MGMT: variants seen among roughly 807,000 people sequenced by gnomAD.
MGMT encodes the protein methylated-DNA--protein-cysteine methyltransferase.
A neutral mutation model predicts 15.9 loss-of-function variants in MGMT; 14 were observed. That is an observed-to-expected ratio of 0.88 (90% confidence interval 0.58 to 1.37). The LOEUF (loss-of-function observed/expected upper bound fraction) is 1.37, where lower values mean the gene tolerates loss of function less well. MGMT is among the 40% of genes most tolerant of loss of function. The probability of loss-of-function intolerance (pLI) is 0.00; values close to 1 mark genes in which losing one functional copy is unlikely to be tolerated. For missense variants in MGMT, 282 were observed against 268.1 expected (o/e 1.05, Z -0.36); for synonymous variants, 130 against 118.2 (o/e 1.10, Z -0.65).
intron 2 of MGMT, among the ~76,000 whole-genome samples, chr10:129,646,748 A>ATTTTT (rs1229950159): frequency 6.3e-5 from 4 of 63,642 alleles, no homozygotes; most frequent in African/African-American, 1.1e-4. Flanking sequence ...ATATATATAT[A>ATTTTT]TATATATTTT....
At chr10:129,522,901 C>G (rs990145356) in intron 1 of MGMT, among the ~76,000 whole-genome samples, 8 of 152,204 alleles carry the variant, frequency 5.3e-5, no homozygotes, top group Admixed American at 2.6e-4. Flanking sequence ...TTGATGTTTC[C>G]GTCAGATCTT....
intron 3 of MGMT, among the ~76,000 whole-genome samples, chr10:129,751,324 G>A (rs1303303888): frequency 6.6e-6 from 1 of 151,844 alleles, no homozygotes; most frequent in Non-Finnish European, 1.5e-5. Flanking sequence ...GTTATTTGTA[G>A]GAATACCTTA....
intron 2 of MGMT, among the ~76,000 whole-genome samples, chr10:129,664,140 T>C (rs576286437): frequency 3.9e-5 from 6 of 152,304 alleles, no homozygotes; most frequent in African/African-American, 1.4e-4. Context: ...TGCCCAGGAA[T>C]GCAAGGGTAG....
At chr10:129,590,031 G>T (rs746446525) in intron 2 of MGMT, among the ~76,000 whole-genome samples, 2 of 152,196 alleles carry the variant, frequency 1.3e-5, no homozygotes, top group Non-Finnish European at 2.9e-5. Flanking sequence ...GTTGAATGGA[G>T]TGCGGATCAT....
chr10:129,643,180 C>T lies in MGMT; in HGVS notation c.126-64715C>T, dbSNP rs1327890668. Among the ~76,000 whole-genome samples, 7 of 152,224 alleles carry T rather than the reference C, an allele frequency of 4.6e-5. No individual in the cohort carries two copies. The East Asian group carries it at 7.7e-4, about 17-fold the overall frequency. On this transcript the variant is annotated intron_variant, in intron 2 of 4. Coordinates refer to ENST00000651593, the MANE Select transcript of MGMT (RefSeq NM_002412.5). ...TTCATCCTTGGGCCCATGCTGTGGCCAACTGAGGAGTACCCTGAGGTTAAG... is the reference window on the plus strand; with the variant it reads ...TTCATCCTTGGGCCCATGCTGTGGCTAACTGAGGAGTACCCTGAGGTTAAG...
intron 2 of MGMT, among the ~76,000 whole-genome samples, chr10:129,548,238 A>G (rs1482233945): frequency 6.6e-6 from 1 of 152,206 alleles, no homozygotes; most frequent in Non-Finnish European, 1.5e-5. Context: ...TTGTATATGT[A>G]CATTATAAGA....
chr10:129,682,719 GT>G (rs1564759763), intron 2 of MGMT, among the ~76,000 whole-genome samples: 3 of 152,172 alleles, frequency 2.0e-5, no homozygotes, highest in Non-Finnish European at 4.4e-5. Flanking sequence ...CAGCTTCCTG[GT>G]TTTGGTAACG....
intron 1 of MGMT, among the ~76,000 whole-genome samples, chr10:129,494,276 C>G (rs1218226908): frequency 6.6e-6 from 1 of 152,182 alleles, no homozygotes; most frequent in East Asian, 1.9e-4. Context: ...TATCTTCATT[C>G]AAAAAACCTC....
chr10:129,666,623 T>A (rs1163258581), intron 2 of MGMT, among the ~76,000 whole-genome samples: 2 of 152,234 alleles, frequency 1.3e-5, no homozygotes, highest in African/African-American at 4.8e-5. Context: ...TTCTGCTAAA[T>A]TCTCTTATTA....
intron 2 of MGMT, among the ~76,000 whole-genome samples, chr10:129,538,736 A>G (rs1254540690): frequency 6.6e-6 from 1 of 151,980 alleles, no homozygotes; most frequent in Admixed American, 6.6e-5. Flanking sequence ...CCTGGGTTCA[A>G]GCAATTCTCC....
chr10:129,681,146 G>C (rs369869846), intron 2 of MGMT, among the ~76,000 whole-genome samples: 1 of 152,174 alleles, frequency 6.6e-6, no homozygotes, highest in Non-Finnish European at 1.5e-5. Context: ...GTTGTCGTCC[G>C]ATGGTCTCCA....
intron 3 of MGMT, among the ~76,000 whole-genome samples, chr10:129,747,131 T>C (rs756043833): frequency 6.6e-6 from 1 of 152,230 alleles, no homozygotes; most frequent in Non-Finnish European, 1.5e-5. Flanking sequence ...TTTTATTTAG[T>C]AACCTTGTAT....
At chr10:129,616,188 A>C (rs1847023960) in intron 2 of MGMT, among the ~76,000 whole-genome samples, 1 of 152,200 alleles carries the variant, frequency 6.6e-6, no homozygotes, top group South Asian at 2.1e-4. Context: ...ATTGGATTGG[A>C]GAACGGAGGC....
chr10:129,484,404 GA>G (rs1845387909), intron 1 of MGMT, among the ~76,000 whole-genome samples: 1 of 152,014 alleles, frequency 6.6e-6, no homozygotes, highest in Non-Finnish European at 1.5e-5. Flanking sequence ...ACATCCTATC[GA>G]TTGTATTTTT....
chr10:129,510,822 C>G (rs1279027115), intron 1 of MGMT, among the ~76,000 whole-genome samples: 1 of 150,804 alleles, frequency 6.6e-6, no homozygotes, highest in Admixed American at 6.6e-5. Flanking sequence ...ACCCGGTATA[C>G]TAGACGCAGG....
chr10:129,592,264 A>G (rs1846695838), intron 2 of MGMT, among the ~76,000 whole-genome samples: 2 of 152,352 alleles, frequency 1.3e-5, no homozygotes, highest in South Asian at 4.1e-4. Context: ...CTAGTACTGA[A>G]TGATGAAATC....
At chr10:129,618,079 C>T (rs565450440) in intron 2 of MGMT, among the ~76,000 whole-genome samples, 2 of 152,118 alleles carry the variant, frequency 1.3e-5, no homozygotes, top group Admixed American at 6.5e-5. Flanking sequence ...TCTCAGAATG[C>T]CCAATTTGCA....
intron 2 of MGMT, among the ~76,000 whole-genome samples, chr10:129,608,753 G>A (rs1199014150): frequency 6.6e-6 from 1 of 152,194 alleles, no homozygotes. Context: ...TTCTTTGGGA[G>A]GGGAGATGTG....
chr10:129,671,097 C>T (rs767579798), intron 2 of MGMT, among the ~76,000 whole-genome samples: 1 of 152,118 alleles, frequency 6.6e-6, no homozygotes, highest in African/African-American at 2.4e-5. Flanking sequence ...CTTTAATTTA[C>T]GAGAATTTTA....
Sources: allele counts gnomAD v4.1 joint callset (sites outside exome capture counted in the v4.1 genomes callset), GRCh38; gene constraint gnomAD v4.1.1; transcripts MANE v1.5; gene names NCBI Gene and HGNC (gene_info 2026-07-23, HGNC 2026-07-21).